The following RCOR1 variants were observed in gnomAD, a reference collection of about 807,000 sequenced individuals.
The protein encoded by RCOR1 is REST corepressor.
Under a neutral mutation model 64.0 loss-of-function variants are expected in RCOR1, and 12 were observed. The observed-to-expected ratio is 0.19, with a 90% CI of 0.12 to 0.30. The LOEUF (loss-of-function observed/expected upper bound fraction) is 0.30. Ranked by LOEUF, RCOR1 falls within the 10% of genes least tolerant of loss-of-function variation. The probability of loss-of-function intolerance (pLI) is 1.00; values close to 1 mark genes in which losing one functional copy is unlikely to be tolerated. For missense variants in RCOR1, 502 were observed against 621.2 expected (o/e 0.81, Z 2.04); for synonymous variants, 279 against 227.2 (o/e 1.23, Z -2.05).
chr14:102,626,402 C>T (rs1281061171), intron 2 of RCOR1, among the ~76,000 whole-genome samples: 1 of 152,172 alleles, frequency 6.6e-6, no homozygotes, highest in Non-Finnish European at 1.5e-5. Context: ...GCTACGTTAT[C>T]CAGCAGGCTA....
At chr14:102,617,110 A>G (rs1893776414) in intron 2 of RCOR1, among the ~76,000 whole-genome samples, 1 of 152,236 alleles carries the variant, frequency 6.6e-6, no homozygotes, top group South Asian at 2.1e-4. Flanking sequence ...AAGTGATGAT[A>G]GCAGAAATGT....
intron 2 of RCOR1, among the ~76,000 whole-genome samples, chr14:102,596,249 G>A (rs773706917): frequency 1.3e-5 from 2 of 151,848 alleles, no homozygotes; most frequent in African/African-American, 2.4e-5. Flanking sequence ...TTACAGGCAT[G>A]CGCCACCATG....
chr14:102,693,615 C>T (rs905540497), intron 3 of RCOR1, among the ~76,000 whole-genome samples: 2 of 152,162 alleles, frequency 1.3e-5, no homozygotes, highest in Admixed American at 1.3e-4. Context: ...CTCAGTCTCA[C>T]AATGGGGTTT....
At chr14:102,668,026 T>C (rs1357572831) in intron 2 of RCOR1, among the ~76,000 whole-genome samples, 1 of 152,144 alleles carries the variant, frequency 6.6e-6, no homozygotes, top group Non-Finnish European at 1.5e-5. Flanking sequence ...TTAGATGTTA[T>C]GGCATAGGAA....
intron 2 of RCOR1, among the ~76,000 whole-genome samples, chr14:102,669,186 G>A (rs537006294): frequency 6.6e-6 from 1 of 152,026 alleles, no homozygotes; most frequent in East Asian, 1.9e-4. Flanking sequence ...GCACATTCCT[G>A]TAATCCTATC....
chr14:102,629,387 C>T (rs12884619), intron 2 of RCOR1, among the ~76,000 whole-genome samples: 2 of 151,216 alleles, frequency 1.3e-5, no homozygotes, highest in Middle Eastern at 3.2e-3. Flanking sequence ...TTCAACTAGA[C>T]GGTAAACTGT....
intron 7 of RCOR1, among the ~76,000 whole-genome samples, chr14:102,712,592 A>AT (rs1163947506): frequency 6.8e-6 from 1 of 146,160 alleles, no homozygotes; most frequent in Admixed American, 6.9e-5. Context: ...GTGCTCATAG[A>AT]TTTTTTTCAT....
chr14:102,713,778 A>G (rs1475431011), intron 7 of RCOR1, among the ~76,000 whole-genome samples: 2 of 152,212 alleles, frequency 1.3e-5, no homozygotes, highest in Non-Finnish European at 2.9e-5. Flanking sequence ...TAAAATATGA[A>G]GCAGAAAGTC....
At chr14:102,629,920 C>A in intron 2 of RCOR1, 1 of 808,668 alleles carries the variant, frequency 1.2e-6, no homozygotes, top group Non-Finnish European at 1.5e-6. Context: ...AGTGGCAGAA[C>A]TCAGCTTGAA....
intron 2 of RCOR1, among the ~76,000 whole-genome samples, chr14:102,608,852 A>G (rs1893569192): frequency 6.6e-6 from 1 of 151,794 alleles, no homozygotes; most frequent in South Asian, 2.1e-4. Context: ...GGCATGAGCC[A>G]CTACACCTGG....
chr14:102,676,753 G>T (rs1463860530), intron 2 of RCOR1, among the ~76,000 whole-genome samples: 1 of 100,736 alleles, frequency 9.9e-6, no homozygotes, highest in African/African-American at 4.2e-5. Context: ...CCTCCCTCCC[G>T]GACGGGGCGG....
chr14:102,709,121 A>G (rs1895911689), intron 6 of RCOR1, among the ~76,000 whole-genome samples: 1 of 152,202 alleles, frequency 6.6e-6, no homozygotes, highest in African/African-American at 2.4e-5. Context: ...AGAAGTAGAA[A>G]TGGCCAGGTA....
intron 4 of RCOR1, among the ~76,000 whole-genome samples, chr14:102,706,068 A>G (rs1416885174): frequency 7.3e-6 from 1 of 137,156 alleles, no homozygotes; most frequent in Non-Finnish European, 1.5e-5. Flanking sequence ...AGCCAAGATC[A>G]TGACATTGCT....
At chr14:102,666,636 G>C (rs1894920744) in intron 2 of RCOR1, among the ~76,000 whole-genome samples, 1 of 152,134 alleles carries the variant, frequency 6.6e-6, no homozygotes, top group Non-Finnish European at 1.5e-5. Flanking sequence ...TCTTGTTTTT[G>C]ATGATGTTTT....
chr14:102,636,022 T>C (rs1894228437), intron 2 of RCOR1, among the ~76,000 whole-genome samples: 1 of 147,770 alleles, frequency 6.8e-6, no homozygotes, highest in African/African-American at 2.5e-5. Context: ...AACCTCCGCC[T>C]CCCAGGTTCA....
At chr14:102,676,887 G>A (rs1317633797) in intron 2 of RCOR1, among the ~76,000 whole-genome samples, 1 of 114,132 alleles carries the variant, frequency 8.8e-6, no homozygotes, top group African/African-American at 3.9e-5. Context: ...TGGACGGGGC[G>A]GCTGGCCGGG....
At chr14:102,655,773 T>G (rs536960250) in intron 2 of RCOR1, among the ~76,000 whole-genome samples, 2 of 152,094 alleles carry the variant, frequency 1.3e-5, no homozygotes, top group Admixed American at 6.5e-5. Flanking sequence ...GCCAACATGG[T>G]GAAACCCCGT....
chr14:102,624,392 G>T (rs1893938914), intron 2 of RCOR1, among the ~76,000 whole-genome samples: 1 of 151,754 alleles, frequency 6.6e-6, no homozygotes, highest in Non-Finnish European at 1.5e-5. Context: ...TGTAATCCCA[G>T]CTACTTGGGA....
At chr14:102,621,345 T>C (rs1163883138) in intron 2 of RCOR1, among the ~76,000 whole-genome samples, 1 of 149,776 alleles carries the variant, frequency 6.7e-6, no homozygotes, top group Non-Finnish European at 1.5e-5. Context: ...CTGTCTTAAC[T>C]GTCTTGCACA....
Sources: allele counts gnomAD v4.1 joint callset (sites outside exome capture counted in the v4.1 genomes callset), GRCh38; gene constraint gnomAD v4.1.1; transcripts MANE v1.5; gene names NCBI Gene and HGNC (gene_info 2026-07-23, HGNC 2026-07-21).